The following MOB3A variants were observed in gnomAD, a reference collection of about 807,000 sequenced individuals.
MOB3A encodes MOB LAK.
Under a neutral mutation model 17.8 loss-of-function variants are expected in MOB3A, and 17 were observed. The ratio of observed to expected loss-of-function variants is 0.95; its 90% confidence interval spans 0.65 to 1.43. The LOEUF (loss-of-function observed/expected upper bound fraction) is 1.43, where lower values mean the gene tolerates loss of function less well. Among genes scored for constraint, MOB3A ranks in the 40% most tolerant of loss-of-function variants. The probability of loss-of-function intolerance (pLI) is 0.00; values close to 1 mark genes in which losing one functional copy is unlikely to be tolerated. For synonymous variants in MOB3A, 124 were observed against 133.2 expected, an observed-to-expected ratio of 0.93 and a Z score of 0.48; for missense variants, 333 against 310.8, an observed-to-expected ratio of 1.07 and a Z score of -0.54.
intron 1 of MOB3A, among the ~76,000 whole-genome samples, chr19:2,094,504 C>A (rs1022503667): frequency 6.6e-6 from 1 of 152,242 alleles, no homozygotes; most frequent in Non-Finnish European, 1.5e-5. Flanking sequence ...AAACCTAGAT[C>A]ATCCCACACA....
chr19:2,085,912 G>A (rs1376720098), intron 1 of MOB3A, among the ~76,000 whole-genome samples: 7 of 142,792 alleles, frequency 4.9e-5, no homozygotes, highest in Admixed American at 1.4e-4. Context: ...TGCAGTGAGC[G>A]GAGATTGTGC....
At chr19:2,076,788 C>T (rs376132264) in intron 4 of MOB3A, 23 bp downstream of exon 4, 1 of 1,611,224 alleles carries the variant, frequency 6.2e-7, no homozygotes, top group Non-Finnish European at 8.5e-7. Flanking sequence ...TAACCGCACG[C>T]CCTCAGCCCC....
chr19:2,089,543 C>A (rs748222764), intron 1 of MOB3A, among the ~76,000 whole-genome samples: 1 of 151,832 alleles, frequency 6.6e-6, no homozygotes, highest in Non-Finnish European at 1.5e-5. Flanking sequence ...CCCCTGGGGG[C>A]AGAATTACCC....
intron 2 of MOB3A, among the ~76,000 whole-genome samples, chr19:2,080,848 A>G (rs2017478653): frequency 1.3e-5 from 2 of 152,170 alleles, no homozygotes; most frequent in South Asian, 4.1e-4. Flanking sequence ...GCAGGGCTAA[A>G]TTTAAGGTGT....
intron 4 of MOB3A, among the ~76,000 whole-genome samples, chr19:2,076,197 G>A (rs1237163980): frequency 6.6e-6 from 1 of 150,558 alleles, no homozygotes; most frequent in African/African-American, 2.4e-5. Flanking sequence ...GAGAGGCTGA[G>A]ATGGGCAAAC....
chr19:2,076,388 C>A (rs1460595299), intron 4 of MOB3A, among the ~76,000 whole-genome samples: 2 of 152,104 alleles, frequency 1.3e-5, no homozygotes, highest in East Asian at 3.9e-4. Context: ...GCCGAGATCG[C>A]ACCACTGCAC....
upstream of MOB3A, chr19:2,096,507 G>GGATGCCCTGA: frequency 5.9e-6 from 1 of 170,866 alleles, no homozygotes; most frequent in East Asian, 1.8e-4. Flanking sequence ...AGCAGCCCTG[G>GGATGCCCTGA]GATGCCCTGA....
At chr19:2,089,374 ACT>A (rs1230512808) in intron 1 of MOB3A, among the ~76,000 whole-genome samples, 17 of 151,640 alleles carry the variant, frequency 1.1e-4, no homozygotes, top group African/African-American at 3.4e-4. Context: ...CAGCGTTTCC[ACT>A]CTCTGCACTG....
intron 1 of MOB3A, among the ~76,000 whole-genome samples, chr19:2,092,753 CAA>C (rs745800527): frequency 1.3e-3 from 61 of 48,224 alleles, no homozygotes; most frequent in African/African-American, 3.6e-3. Context: ...AACTCCATCT[CAA>C]AAAAAAAAAA....
chr19:2,092,133 C>T (rs1308163339), intron 1 of MOB3A, among the ~76,000 whole-genome samples: 2 of 136,128 alleles, frequency 1.5e-5, no homozygotes, highest in African/African-American at 5.6e-5. Context: ...TGAGGTTTCG[C>T]TCTATCCCCC....
chr19:2,095,782 T>C (rs1368128553), intron 1 of MOB3A, among the ~76,000 whole-genome samples: 3 of 150,644 alleles, frequency 2.0e-5, no homozygotes, highest in Non-Finnish European at 4.4e-5. Flanking sequence ...CCCGCTCTGG[T>C]TGCCCAGGCT....
chr19:2,088,120 G>C (rs2017573953), intron 1 of MOB3A, among the ~76,000 whole-genome samples: 1 of 152,214 alleles, frequency 6.6e-6, no homozygotes, highest in Non-Finnish European at 1.5e-5. Flanking sequence ...GGGGGCATTT[G>C]TGGTTGTCAT....
At chr19:2,088,247 G>A (rs1038737434) in intron 1 of MOB3A, among the ~76,000 whole-genome samples, 5 of 152,196 alleles carry the variant, frequency 3.3e-5, no homozygotes, top group East Asian at 1.9e-4. Context: ...CCACAGTGCC[G>A]AGGGGGACAA....
In MOB3A at chr19:2,076,787, G is replaced by A. The variant is rs771261352; in HGVS notation, c.624+24C>T. The A allele has an allele frequency of 1.1e-5, 17 of 1,610,288 alleles. No individual in the cohort carries two copies. In the Admixed American group the frequency reaches 2.8e-4, roughly 27 times the overall value. On this transcript the variant is annotated intron_variant, in intron 4 of 4. Transcript: ENST00000357066. ...GCCACCAGCCCCACCGTAACCGCAC[G>A]CCCTCAGCCCCAAGCCCGCGCACCA...
At chr19:2,089,046 C>T (rs1199810005) in intron 1 of MOB3A, among the ~76,000 whole-genome samples, 1 of 152,204 alleles carries the variant, frequency 6.6e-6, no homozygotes, top group African/African-American at 2.4e-5. Context: ...TCCCTACGCA[C>T]TCATAAACTA....
chr19:2,075,086 T>C (rs530484682), intron 4 of MOB3A, among the ~76,000 whole-genome samples: 1 of 151,722 alleles, frequency 6.6e-6, no homozygotes, highest in Admixed American at 6.6e-5. Flanking sequence ...TGGACTACAG[T>C]GGCGTGATCT....
At chr19:2,081,990 G>T (rs1468325502) in intron 2 of MOB3A, among the ~76,000 whole-genome samples, 1 of 152,204 alleles carries the variant, frequency 6.6e-6, no homozygotes, top group African/African-American at 2.4e-5. Context: ...GGAGCCCCTG[G>T]TGAGGACCGG....
intron 1 of MOB3A, chr19:2,090,017 TC>T (rs2017595725): frequency 6.6e-6 from 1 of 152,208 alleles, no homozygotes; most frequent in African/African-American, 2.4e-5. Context: ...ATTGGCAGCT[TC>T]CCCTCTGATC....
chr19:2,080,452 A>C (rs1207742463), intron 2 of MOB3A, among the ~76,000 whole-genome samples: 1 of 151,458 alleles, frequency 6.6e-6, no homozygotes, highest in Non-Finnish European at 1.5e-5. Flanking sequence ...ATCTCAGCTC[A>C]CTGCAGCCTC....
Sources: allele counts gnomAD v4.1 joint callset (sites outside exome capture counted in the v4.1 genomes callset), GRCh38; gene constraint gnomAD v4.1.1; transcripts MANE v1.5; gene names NCBI Gene and HGNC (gene_info 2026-07-23, HGNC 2026-07-21).